IRX4: variants seen among roughly 807,000 people sequenced by gnomAD.
IRX4 encodes the protein iroquois-class homeodomain protein IRX-4.
In IRX4, 22 loss-of-function variants were observed where a neutral mutation model predicts 32.0. The ratio of observed to expected loss-of-function variants is 0.69; its 90% CI spans 0.49 to 0.98. IRX4 has a LOEUF of 0.98. Among genes scored for constraint, IRX4 ranks in the 50% least tolerant of loss-of-function variants. The probability of loss-of-function intolerance (pLI) is 0.00; values close to 1 mark genes in which losing one functional copy is unlikely to be tolerated. For synonymous variants in IRX4, 379 were observed against 351.7 expected (o/e 1.08, Z -0.87); for missense variants, 840 against 744.2 (o/e 1.13, Z -1.50).
In IRX4 at chr5:1,877,448, G is replaced by C. The variant is rs1341609054; in HGVS notation, c.*521C>G. 1 of 153,050 alleles carries C rather than the reference G, an allele frequency of 6.5e-6. No individual in the cohort carries two copies. The highest frequency in any genetic ancestry group is 1.5e-5 in the Non-Finnish European group (1 of 68,538). The allele number at this position is 153,050 out of a possible 1,614,324, so 9.5% of individuals were successfully genotyped here. On this transcript the variant is annotated 3_prime_UTR_variant, in exon 5 of 5. Transcript: ENST00000231357. ...CAAACACCATCACTCGGTTTTATTGGTTTTGTTATATTAGCCTCTGAAGCA... is the reference window on the plus strand; with the variant it reads ...CAAACACCATCACTCGGTTTTATTGCTTTTGTTATATTAGCCTCTGAAGCA...
At chr5:1,880,103 G>C in intron 3 of IRX4, 1 of 1,535,686 alleles carries the variant, frequency 6.5e-7, no homozygotes, top group Non-Finnish European at 8.7e-7. Context: ...GAGAGGTCCA[G>C]GCCAATTCCT....
In IRX4 at chr5:1,878,479, C is replaced by G. The variant is rs1735293391; in HGVS notation, c.1050G>C (p.Lys350Asn). ...AEGGPQVCEA[K>N]LGFVPAGASA... ...ACGCCCCCGCCGGCACAAACCCCAG[C>G]TTGGCCTCGCAGACCTGAGGGCCGC... Residue 350 changes from lysine (K) to asparagine (N), a missense_variant, in exon 5 of 5, where the codon AAG becomes AAC. By Grantham distance (94) the Lys-to-Asn change is moderately conservative. Around this residue, in one of 3 missense-constraint regions of IRX4, gnomAD observed 585 missense variants for 488.0 expected, o/e 1.20. Coordinates refer to ENST00000231357, the MANE Select transcript of IRX4 (RefSeq NM_016358.3). The G allele has an allele frequency of 6.9e-7, 1 of 1,446,288 alleles. No individual in the cohort carries two copies. Among genetic ancestry groups the G allele is most frequent in the East Asian group, 2.6e-5 (1 of 38,372 alleles). The allele number at this position is 1,446,288 out of a possible 1,614,324, so 89.6% of individuals were successfully genotyped here. A position where few individuals can be genotyped will look rare whatever the true frequency, so the allele number is the denominator to read the frequency against.
rs766520161 is a variant in IRX4, at chr5:1,879,494, C to T, written c.736+10G>A. 36 of 1,612,908 alleles carry T rather than the reference C, an allele frequency of 2.2e-5. No homozygotes were observed. The Admixed American group carries it at 6.0e-4, about 27-fold the overall frequency. ...GGGCCTCAGCCCCCAGTGACAACCT[C>T]CCAACCCACCTGCGTTCTTGGAGCT... On this transcript the variant is annotated intron_variant, in intron 4 of 4. Transcript: ENST00000231357.
In IRX4 at chr5:1,881,364, C is replaced by G. The variant is rs1349305048; in HGVS notation, c.297+444G>C. On this transcript the variant is annotated intron_variant, in intron 2 of 4. Transcript: ENST00000231357. ...GGGGAGGAGCAAGGAGGGGGAGGAACAAGGAGGGGGCGAAAGCAGGGGAGA... is the reference window on the plus strand; with the variant it reads ...GGGGAGGAGCAAGGAGGGGGAGGAAGAAGGAGGGGGCGAAAGCAGGGGAGA... 3.4e-5 allele frequency among the ~76,000 whole-genome samples: 3 copies of G among 89,122 alleles called. No individual in the cohort carries two copies. The East Asian group carries it at 9.3e-4, about 28-fold the overall frequency. The allele number at this position is 89,122 out of a possible 152,430, so 58.5% of individuals were successfully genotyped here.
chr5:1,880,592 T>C (rs1735391413), intron 3 of IRX4, 133 bp downstream of exon 3: 1 of 658,686 alleles, frequency 1.5e-6, no homozygotes, highest in East Asian at 2.7e-5. Flanking sequence ...ACTCAGGTCA[T>C]GCCTGACCTA....
chr5:1,885,797 C>T (rs531377384), upstream of IRX4, among the ~76,000 whole-genome samples: 4 of 152,266 alleles, frequency 2.6e-5, no homozygotes, highest in Non-Finnish European at 4.4e-5. Context: ...ACCAAAAGGC[C>T]AAGCCTGGAG....
intron 3 of IRX4, chr5:1,880,136 G>C (rs1263795383): frequency 6.5e-7 from 1 of 1,535,488 alleles, no homozygotes; most frequent in African/African-American, 1.4e-5. Flanking sequence ...CCGCCTAGCC[G>C]TTTGATCCTC....
Position 1,881,944 on chromosome 5 carries a change from C to T in IRX4, c.161G>A (p.Ser54Asn), listed in dbSNP as rs1264942779. ...QAPVYCPVYE[S>N]RLLATARHEL... ...GTGGCGCGCGGTGGCCAGCAGCCGG[C>T]TCTCGTAGACCGGGCAGTAGACCGG... The change falls in exon 2 of 5, where the codon AGC becomes AAC. Residue 54 changes from serine (S) to asparagine (N), a missense_variant. Ser to Asn is a conservative substitution (Grantham distance 46). Transcript: ENST00000231357. The T allele has an allele frequency of 3.8e-6, 6 of 1,569,174 alleles. No individual in the cohort carries two copies. The East Asian group carries it at 1.4e-4, about 37-fold the overall frequency.
upstream of IRX4, chr5:1,884,518 G>A (rs1303961961): frequency 6.6e-6 from 1 of 152,234 alleles, no homozygotes. Context: ...GGACCGGAGC[G>A]GGCCACGTCC....
chr5:1,880,750 C>G lies in IRX4; in HGVS notation c.382G>C (p.Ala128Pro), dbSNP rs763748334. 7 of 1,613,588 alleles carry G rather than the reference C, an allele frequency of 4.3e-6. No homozygotes were observed. Among genetic ancestry groups the G allele is most frequent in the Non-Finnish European group, 4.2e-6 (5 of 1,179,838 alleles). Residue 128 changes from alanine (A) to proline (P), a missense_variant, in exon 3 of 5, where the codon GCT becomes CCT. Ala to Pro is a conservative substitution (Grantham distance 27). This residue lies in a region of IRX4 where 241 missense variants were observed against 220.8 expected (regional missense o/e 1.09). Coordinates refer to ENST00000231357, the MANE Select transcript of IRX4 (RefSeq NM_016358.3). ...CTGTCATAGGGGTACTGGCCCAGAGCTGGCTCGTAAGGGTAGTAGGCGGCA... is the reference window on the plus strand; with the variant it reads ...CTGTCATAGGGGTACTGGCCCAGAGGTGGCTCGTAAGGGTAGTAGGCGGCA... ...AAAAYYPYEPALGQYPYDRYG... is the reference protein window; with the variant it reads ...AAAAYYPYEPPLGQYPYDRYG...
At position 1,878,226 on chromosome 5, in the gene IRX4, G is replaced by A. The variant is rs781000552; in HGVS notation, c.1303C>T (p.Leu435Phe). 12 of 1,605,352 alleles carry A rather than the reference G, an allele frequency of 7.5e-6. No individual in the cohort carries two copies. Among genetic ancestry groups the A allele is most frequent in the Non-Finnish European group, 9.3e-6 (11 of 1,177,052 alleles). ...AAGACCCCGTCCACCCAGTTTCTGA[G>A]ACTGGTTACCGGGGAGTCCTGGTGC... ...DRHQDSPVTS[L>F]RNWVDGVFHD... Residue 435 changes from leucine to phenylalanine, a missense_variant, in exon 5 of 5, where the codon CTC (leucine) becomes TTC (phenylalanine). Physicochemically the swap from Leu to Phe is conservative, Grantham distance 22 (BLOSUM62 0). Transcript: ENST00000231357.
At chr5:1,879,419 A>AC in intron 4 of IRX4, 85 bp downstream of exon 4, 2 of 1,585,178 alleles carry the variant, frequency 1.3e-6, no homozygotes, top group Non-Finnish European at 1.7e-6. Flanking sequence ...GGCGTTTGGG[A>AC]CCCCCAAGAC....
In IRX4 at chr5:1,877,590, C is replaced by G. The variant is rs1735240344; in HGVS notation, c.*379G>C. The stretch of plus-strand genomic sequence containing the variant: ...GAGCATTACGTGCTGAGGATGAAAT[C>G]GGAGGCCCGACAGGCCCAGGAGGCC... On this transcript the variant is annotated 3_prime_UTR_variant, in exon 5 of 5. Coordinates refer to ENST00000231357, the MANE Select transcript of IRX4 (RefSeq NM_016358.3). The G allele has an allele frequency of 4.0e-6, 1 of 248,948 alleles. No individual in the cohort carries two copies. The highest frequency in any genetic ancestry group is 5.6e-5 in the Admixed American group (1 of 17,952). The allele number at this position is 248,948 out of a possible 1,614,324, so 15.4% of individuals were successfully genotyped here. A position where few individuals can be genotyped will look rare whatever the true frequency, so the allele number is the denominator to read the frequency against.
chr5:1,879,353 C>A lies in IRX4; in HGVS notation c.736+151G>T, dbSNP rs138770035. Reference sequence around the variant, plus strand: ...TCAGGGGTCACCACCACAGTCCCCACATTGGTAGCCTGAGGCAGAACCGGT... The same window carrying A: ...TCAGGGGTCACCACCACAGTCCCCAAATTGGTAGCCTGAGGCAGAACCGGT... On this transcript the variant is annotated intron_variant, in intron 4 of 4. Transcript: ENST00000231357. The A allele has an allele frequency of 3.8e-5, 48 of 1,265,284 alleles. No individual in the cohort carries two copies. In the African/African-American group the frequency reaches 5.9e-4, roughly 16 times the overall value. 78.4% of individuals were successfully genotyped at this position (1,265,284 alleles called of 1,614,324 possible).
Position 1,878,127 on chromosome 5 carries a change from C to A in IRX4, c.1402G>T (p.Gly468Trp), listed in dbSNP as rs1480481286. The change falls in exon 5 of 5, where the codon GGG becomes TGG. Residue 468 changes from glycine (G) to tryptophan (W), a missense_variant. Gly to Trp is a radical substitution (Grantham distance 184). Around this residue, in one of 3 missense-constraint regions of IRX4, gnomAD observed 585 missense variants for 488.0 expected, o/e 1.20. Coordinates refer to ENST00000231357, the MANE Select transcript of IRX4 (RefSeq NM_016358.3). The stretch of plus-strand genomic sequence containing the variant: ...GCCCCCAGCGAGCGTCCCAGAGGCC[C>A]GGGGTCCAGGAGGGCGCCCTTGGCG... ...ATAKGALLDP[G>W]PLGRSLGAGA... The A allele has an allele frequency of 6.5e-7, 1 of 1,548,072 alleles. No homozygotes were observed. The highest frequency in any genetic ancestry group is 1.2e-5 in the South Asian group (1 of 84,598).
rs2232373 is a variant in IRX4 at position 1,882,166 on chromosome 5, C to G, written c.46-107G>C. 0.24 allele frequency: 323,705 copies of G among 1,345,180 alleles called. 39,701 individuals are homozygous for G. Among genetic ancestry groups the G allele is most frequent in the East Asian group, 0.34 (13,130 of 38,728 alleles). 83.3% of individuals were successfully genotyped at this position (1,345,180 alleles called of 1,614,324 possible). On this transcript the variant is annotated intron_variant, in intron 1 of 4. Coordinates refer to ENST00000231357, the MANE Select transcript of IRX4 (RefSeq NM_016358.3). ...CACGAGGGCGTGCCCCGAGTACCCC[C>G]GGGCCTCCCGCCGTCCACACCAGGA...
chr5:1,878,592 C>G lies in IRX4; in HGVS notation c.937G>C (p.Gly313Arg). ...ALRMSLAAGG[G>R]AALDEDLERA... ...TCCAGGTCCTCGTCCAGAGCAGCTC[C>G]GCCACCCGCGGCCAGAGACATCCGG... Residue 313 changes from glycine to arginine, a missense_variant, in exon 5 of 5, where the codon GGA (glycine) becomes CGA (arginine). Gly to Arg is a moderately radical substitution (Grantham distance 125, BLOSUM62 -2). Coordinates refer to ENST00000231357, the MANE Select transcript of IRX4 (RefSeq NM_016358.3). 6.4e-7 allele frequency: 1 copy of G among 1,553,826 alleles called. No homozygotes were observed.
chr5:1,879,904 G>T, intron 3 of IRX4, 72 bp from the exon 4 acceptor site: 1 of 1,590,760 alleles, frequency 6.3e-7, no homozygotes, highest in African/African-American at 1.3e-5. Context: ...TAGGGGTGGG[G>T]GTCGGCCAGG....
At chr5:1,878,963 C>A (rs557671058) in intron 4 of IRX4, among the ~76,000 whole-genome samples, 171 bp from the exon 5 acceptor site, 2 of 152,006 alleles carry the variant, frequency 1.3e-5, no homozygotes, top group African/African-American at 4.8e-5. Context: ...ACTGGCAACA[C>A]AGGGGCCTCC....
Sources: gnomAD v4.1 joint callset for allele counts (sites outside exome capture counted in the v4.1 genomes callset) on GRCh38, gnomAD v4.1.1 for gene constraint, gnomAD v4.1.1 regional missense constraint, MANE v1.5 for transcripts, NCBI Gene and HGNC (gene_info 2026-07-23, HGNC 2026-07-21) for gene names.